CDK17: variants seen among roughly 807,000 people sequenced by gnomAD.
CDK17 encodes the protein cyclin-dependent kinase 17.
Under a neutral mutation model 77.6 loss-of-function variants are expected in CDK17, and 24 were observed. The ratio of observed to expected loss-of-function variants is 0.31; its 90% CI spans 0.22 to 0.44. CDK17 has a LOEUF of 0.44. CDK17 is among the 20% of genes least tolerant of loss of function. The pLI, the probability that CDK17 is intolerant of heterozygous loss-of-function variation, is 1.00. For synonymous variants in CDK17, 203 were observed against 210.4 expected (o/e 0.96, Z 0.30); for missense variants, 429 against 622.5 (o/e 0.69, Z 3.31).
intron 1 of CDK17, among the ~76,000 whole-genome samples, chr12:96,340,048 TAAA>T (rs770067750): frequency 5.7e-4 from 87 of 152,010 alleles, no homozygotes; most frequent in Non-Finnish European, 1.0e-3. Context: ...ACAAAAATCT[TAAA>T]AATTACATAT....
intron 1 of CDK17, among the ~76,000 whole-genome samples, chr12:96,391,817 C>T (rs976715580): frequency 6.6e-6 from 1 of 152,132 alleles, no homozygotes; most frequent in Non-Finnish European, 1.5e-5. Flanking sequence ...AGTTACTGTC[C>T]CTCCAAGTTG....
At chr12:96,303,846 G>T (rs1649721921) in intron 5 of CDK17, among the ~76,000 whole-genome samples, 2 of 152,094 alleles carry the variant, frequency 1.3e-5, no homozygotes, top group African/African-American at 4.8e-5. Flanking sequence ...CAAAACAAAT[G>T]AAGCACCAGA....
At chr12:96,399,728 G>A (rs1954228178) in intron 1 of CDK17, among the ~76,000 whole-genome samples, 1 of 152,138 alleles carries the variant, frequency 6.6e-6, no homozygotes, top group Non-Finnish European at 1.5e-5. Flanking sequence ...CGCCTCCTGG[G>A]AAGCAGCTCG....
chr12:96,365,682 T>C (rs912412661), intron 1 of CDK17, among the ~76,000 whole-genome samples: 4 of 152,242 alleles, frequency 2.6e-5, no homozygotes, highest in Non-Finnish European at 5.9e-5. Flanking sequence ...GCTACCAAAA[T>C]GTGTTTGACA....
chr12:96,398,404 GAAACA>G (rs1954205726), intron 1 of CDK17, among the ~76,000 whole-genome samples: 1 of 136,502 alleles, frequency 7.3e-6, no homozygotes, highest in Non-Finnish European at 1.6e-5. Context: ...ATAAAAAAAT[GAAACA>G]AAACCAATTA....
intron 3 of CDK17, among the ~76,000 whole-genome samples, chr12:96,314,348 C>G (rs1490474690): frequency 1.3e-5 from 2 of 151,868 alleles, no homozygotes; most frequent in African/African-American, 4.8e-5. Flanking sequence ...CCCATCACAT[C>G]TGGTGTTTTG....
chr12:96,326,425 TTC>T (rs1952892348), intron 2 of CDK17, among the ~76,000 whole-genome samples: 1 of 152,206 alleles, frequency 6.6e-6, no homozygotes, highest in Admixed American at 6.6e-5. Flanking sequence ...TTGAGGAAAG[TTC>T]TCTCTGCTGA....
chr12:96,372,014 T>A (rs1953703583), intron 1 of CDK17, among the ~76,000 whole-genome samples: 1 of 151,260 alleles, frequency 6.6e-6, no homozygotes, highest in Non-Finnish European at 1.5e-5. Context: ...TGTGTGTTTG[T>A]GTGTGTGTGT....
chr12:96,323,195 G>A (rs1229702731), intron 3 of CDK17, among the ~76,000 whole-genome samples: 11 of 152,026 alleles, frequency 7.2e-5, no homozygotes, highest in African/African-American at 2.4e-4. Flanking sequence ...CCCTCTGGGA[G>A]GCTGAGGCAA....
intron 5 of CDK17, among the ~76,000 whole-genome samples, chr12:96,306,931 T>C (rs1952583748): frequency 6.6e-6 from 1 of 152,200 alleles, no homozygotes; most frequent in South Asian, 2.1e-4. Flanking sequence ...AATGGATGCA[T>C]CAGTAAAATC....
At chr12:96,301,045 T>A (rs1285004674) in intron 5 of CDK17, among the ~76,000 whole-genome samples, 1 of 152,184 alleles carries the variant, frequency 6.6e-6, no homozygotes, top group African/African-American at 2.4e-5. Flanking sequence ...AATTTTCCTA[T>A]GTATTTTCTC....
chr12:96,342,386 C>T (rs1953135396), intron 1 of CDK17, among the ~76,000 whole-genome samples: 1 of 152,094 alleles, frequency 6.6e-6, no homozygotes. Context: ...TTGTTATTTG[C>T]ATAAAACACA....
chr12:96,395,253 A>G (rs1202114346), intron 1 of CDK17, among the ~76,000 whole-genome samples: 1 of 152,248 alleles, frequency 6.6e-6, no homozygotes, highest in Non-Finnish European at 1.5e-5. Context: ...CATATTTTAT[A>G]TACTGCAATC....
chr12:96,356,814 G>A (rs965521248), intron 1 of CDK17, among the ~76,000 whole-genome samples: 2 of 152,130 alleles, frequency 1.3e-5, no homozygotes, highest in Non-Finnish European at 2.9e-5. Flanking sequence ...TTTTTCAACT[G>A]AAACTTATTT....
At chr12:96,390,673 C>T (rs1954052678) in intron 1 of CDK17, among the ~76,000 whole-genome samples, 3 of 136,000 alleles carry the variant, frequency 2.2e-5, no homozygotes, top group East Asian at 2.1e-4. Context: ...CGCACCACTG[C>T]ACTCCAGCCT....
intron 9 of CDK17, 89 bp from the exon 10 acceptor site, chr12:96,295,211 C>T: frequency 1.0e-6 from 1 of 995,596 alleles, no homozygotes; most frequent in Non-Finnish European, 1.5e-6. Context: ...AAGCAGCTGG[C>T]CTAGAACATT....
Position 96,376,756 on chromosome 12 carries a change from T to C in CDK17, c.-30+23230A>G, listed in dbSNP as rs1454005197. Reference sequence around the variant, plus strand: ...CTGAAGATTATAAAATAGAGTTTAGTAATCAGAGGACCATAAAACCAGTAG... The same window carrying C: ...CTGAAGATTATAAAATAGAGTTTAGCAATCAGAGGACCATAAAACCAGTAG... On this transcript the variant is annotated intron_variant, in intron 1 of 16. Coordinates refer to ENST00000261211, the MANE Select transcript of CDK17 (RefSeq NM_002595.5). Among the ~76,000 whole-genome samples the C allele has an allele frequency of 2.0e-5, 3 of 152,188 alleles. No individual in the cohort carries two copies. The East Asian group carries it at 5.8e-4, about 29-fold the overall frequency.
At chr12:96,344,115 AT>A (rs1953163128) in intron 1 of CDK17, among the ~76,000 whole-genome samples, 2 of 152,322 alleles carry the variant, frequency 1.3e-5, no homozygotes, top group South Asian at 2.1e-4. Context: ...TGATTAGCAA[AT>A]TTGAAGACAA....
At chr12:96,292,843 T>TA (rs538105280) in intron 10 of CDK17, among the ~76,000 whole-genome samples, 2,785 of 147,896 alleles carry the variant, frequency 0.019, 38 homozygotes, top group East Asian at 0.041. Context: ...CCAGATTAGC[T>TA]AAAAAAAAAA....
Sources: allele counts gnomAD v4.1 joint callset (sites outside exome capture counted in the v4.1 genomes callset), GRCh38; gene constraint gnomAD v4.1.1; transcripts MANE v1.5; gene names NCBI Gene and HGNC (gene_info 2026-07-23, HGNC 2026-07-21).